Variants in STRBP observed in about 807,000 individuals in gnomAD.
The protein encoded by STRBP is spermatid perinuclear RNA binding protein, also known as spermatid perinuclear RNA-binding protein.
In STRBP, 13 loss-of-function variants were observed where a neutral mutation model predicts 80.1. The ratio of observed to expected loss-of-function variants is 0.16; its 90% CI spans 0.11 to 0.26. The LOEUF (loss-of-function observed/expected upper bound fraction) is 0.26, where lower values mean the gene tolerates loss of function less well. Ranked by LOEUF, STRBP falls within the 10% of genes least tolerant of loss-of-function variation. STRBP has a pLI of 1.00. For synonymous variants in STRBP, 284 were observed against 291.2 expected (o/e 0.98, Z 0.25); for missense variants, 485 against 815.2 (o/e 0.59, Z 4.93).
chr9:123,194,945 C>T (rs1230834446), intron 2 of STRBP, among the ~76,000 whole-genome samples: 1 of 152,170 alleles, frequency 6.6e-6, no homozygotes, highest in Non-Finnish European at 1.5e-5. Flanking sequence ...TCTTCTCTAT[C>T]TTACCTTCAA....
intron 18 of STRBP, 35 bp downstream of exon 18, chr9:123,128,179 G>A (rs1239772657): frequency 1.6e-5 from 26 of 1,612,158 alleles, no homozygotes; most frequent in Non-Finnish European, 2.0e-5. Flanking sequence ...TGTGACAGTC[G>A]CTAAGAGGAG....
chr9:123,240,306 T>G (rs1249018010), intron 1 of STRBP, among the ~76,000 whole-genome samples: 2 of 152,208 alleles, frequency 1.3e-5, no homozygotes, highest in African/African-American at 4.8e-5. Context: ...ATTATATTAT[T>G]ATGTATAAAA....
At chr9:123,169,317 C>A (rs1391266472) in intron 6 of STRBP, among the ~76,000 whole-genome samples, 1 of 151,890 alleles carries the variant, frequency 6.6e-6, no homozygotes, top group African/African-American at 2.4e-5. Flanking sequence ...TACAGGCGCC[C>A]ACCACCACGC....
chr9:123,164,138 C>G (rs943752701), intron 6 of STRBP, among the ~76,000 whole-genome samples: 1 of 152,172 alleles, frequency 6.6e-6, no homozygotes, highest in Admixed American at 6.5e-5. Context: ...CTCCGCCTCC[C>G]GGGCTCAAGC....
chr9:123,241,543 T>C (rs1395214636), intron 1 of STRBP, among the ~76,000 whole-genome samples: 1 of 151,734 alleles, frequency 6.6e-6, no homozygotes, highest in African/African-American at 2.4e-5. Context: ...AATTTTTTTT[T>C]CTCCAAAACA....
chr9:123,240,661 T>G (rs978629824), intron 1 of STRBP, among the ~76,000 whole-genome samples: 1 of 152,210 alleles, frequency 6.6e-6, no homozygotes, highest in African/African-American at 2.4e-5. Context: ...TTCCTAGGCT[T>G]TGTTGGCTCT....
At chr9:123,180,997 T>C (rs1325188214) in intron 3 of STRBP, 3 of 919,966 alleles carry the variant, frequency 3.3e-6, no homozygotes, top group Non-Finnish European at 3.9e-6. Context: ...AATCACATTA[T>C]TTTTGGATAA....
At position 123,125,366 on chromosome 9, in the gene STRBP, A is replaced by C. The variant is rs531708979; in HGVS notation, c.*231T>G. The C allele has an allele frequency of 1.6e-5, 19 of 1,211,186 alleles. No individual in the cohort carries two copies. The South Asian group carries it at 3.7e-4, about 24-fold the overall frequency. The allele number at this position is 1,211,186 out of a possible 1,614,324, so 75.0% of individuals were successfully genotyped here. On this transcript the variant is annotated 3_prime_UTR_variant, in exon 19 of 19. Transcript: ENST00000348403. ...TCCCTAGAACAGAAGGGCTGGTATA[A>C]GTTATTTTCCAGAAATGAGGTACCG...
intron 3 of STRBP, chr9:123,112,193 C>A: frequency 6.0e-6 from 1 of 166,810 alleles, no homozygotes. Context: ...CACAGTGCAG[C>A]GCTGCCGGCC....
intron 9 of STRBP, 74 bp downstream of exon 9, chr9:123,159,022 T>C (rs957092085): frequency 1.7e-5 from 21 of 1,240,766 alleles, no homozygotes; most frequent in Non-Finnish European, 2.4e-5. Flanking sequence ...GAGAACAAAC[T>C]TAGCATATAT....
In STRBP at chr9:123,184,119, C is replaced by T. The variant is rs201759766; in HGVS notation, c.3+13G>A. On this transcript the variant is annotated intron_variant, in intron 3 of 18. Coordinates refer to ENST00000348403, the MANE Select transcript of STRBP (RefSeq NM_018387.5). The stretch of plus-strand genomic sequence containing the variant: ...TTTGTAACTAAATTATGAAAATATC[C>T]ACAATAACCTACCATGGTTTTCTAT... 1.2e-6 allele frequency: 2 copies of T among 1,605,952 alleles called. No individual in the cohort carries two copies. Among genetic ancestry groups the T allele is most frequent in the African/African-American group, 2.7e-5 (2 of 74,608 alleles).
chr9:123,227,960 G>A (rs1336026843), intron 2 of STRBP, among the ~76,000 whole-genome samples: 1 of 152,154 alleles, frequency 6.6e-6, no homozygotes, highest in Non-Finnish European at 1.5e-5. Context: ...CCATCACAAC[G>A]ATGCAGGTGA....
intron 14 of STRBP, 109 bp downstream of exon 14, chr9:123,139,420 T>C (rs1243981079): frequency 2.3e-6 from 2 of 869,370 alleles, no homozygotes; most frequent in Non-Finnish European, 3.3e-6. Flanking sequence ...CTGTAATTTA[T>C]GTACAGGTTT....
At chr9:123,133,245 CAA>C (rs1432743531) in intron 16 of STRBP, among the ~76,000 whole-genome samples, 5 of 152,182 alleles carry the variant, frequency 3.3e-5, no homozygotes, top group Non-Finnish European at 7.4e-5. Flanking sequence ...AATTTATATC[CAA>C]AGTCATTTTA....
intron 13 of STRBP, among the ~76,000 whole-genome samples, chr9:123,144,713 G>T (rs115099763): frequency 6.6e-6 from 1 of 151,992 alleles, no homozygotes; most frequent in African/African-American, 2.4e-5. Flanking sequence ...GATTTAAAAA[G>T]CCAAAAGTAA....
chr9:123,235,390 G>C (rs1487022709), intron 2 of STRBP, among the ~76,000 whole-genome samples: 1 of 148,856 alleles, frequency 6.7e-6, no homozygotes, highest in African/African-American at 2.5e-5. Context: ...ACCACTGAAA[G>C]AATGCTAGTC....
downstream of STRBP, among the ~76,000 whole-genome samples, chr9:123,117,359 A>C (rs1397814279): frequency 6.6e-6 from 1 of 152,082 alleles, no homozygotes; most frequent in Admixed American, 6.6e-5. Context: ...CCCCGCACCC[A>C]CCCACGCCTG....
intron 2 of STRBP, among the ~76,000 whole-genome samples, chr9:123,222,261 T>C (rs2040091177): frequency 6.6e-6 from 1 of 152,026 alleles, no homozygotes; most frequent in South Asian, 2.1e-4. Flanking sequence ...CCTTTACAAG[T>C]GAGTTCCTGT....
At position 123,132,885 on chromosome 9, in the gene STRBP, A is replaced by T; in HGVS notation, c.1857T>A (p.Ala619=). ...GRGRGTLTRG[A]FVGATAAPGY... ...CAGGAGCAGCTGTCGCCCCAACAAA[A>T]GCTCCCCTTGTTAGAGTTCCTCTTC... The change falls in exon 17 of 19, where the codon GCT becomes GCA. Residue 619 remains alanine (A), a synonymous_variant. Coordinates refer to ENST00000348403, the MANE Select transcript of STRBP (RefSeq NM_018387.5). The T allele has an allele frequency of 6.2e-7, 1 of 1,614,082 alleles. No homozygotes were observed. Among genetic ancestry groups the T allele is most frequent in the Non-Finnish European group, 8.5e-7 (1 of 1,179,958 alleles).
Sources: allele counts gnomAD v4.1 joint callset (sites outside exome capture counted in the v4.1 genomes callset), GRCh38; gene constraint gnomAD v4.1.1; transcripts MANE v1.5; gene names NCBI Gene and HGNC (gene_info 2026-07-23, HGNC 2026-07-21).